SPEF2: variants seen among roughly 807,000 people sequenced by gnomAD.
SPEF2 encodes the protein sperm flagellar and cilia associated 2, also known as sperm flagella and cilia-associated protein 2.
Under a neutral mutation model 224.6 loss-of-function variants are expected in SPEF2, and 187 were observed. The ratio of observed to expected loss-of-function variants is 0.83; its 90% CI spans 0.74 to 0.94. The LOEUF (loss-of-function observed/expected upper bound fraction) is 0.94. SPEF2 is among the 40% of genes least tolerant of loss of function. The pLI, the probability that SPEF2 is intolerant of heterozygous loss-of-function variation, is 0.00. For synonymous variants in SPEF2, 715 were observed against 707.3 expected (o/e 1.01, Z -0.17); for missense variants, 2,170 against 2,135.6 (o/e 1.02, Z -0.32).
rs2149470936 is a variant in SPEF2, at chr5:35,666,944, G to C, written c.1168-128G>C. 1.7e-5 allele frequency: 13 copies of C among 777,072 alleles called. 1 individual carries two copies. The South Asian group carries it at 2.6e-4, about 15-fold the overall frequency. 48.1% of individuals were successfully genotyped at this position (777,072 alleles called of 1,614,324 possible). A position where few individuals can be genotyped will look rare whatever the true frequency, so the allele number is the denominator to read the frequency against. On this transcript the variant is annotated intron_variant, in intron 8 of 36. Transcript: ENST00000356031. Reference sequence around the variant, plus strand: ...TATTAAGAAAAAAGTGTTCATTCATGATTAATTTTTTTCCTGGTGTGAGAA... The same window carrying C: ...TATTAAGAAAAAAGTGTTCATTCATCATTAATTTTTTTCCTGGTGTGAGAA...
chr5:35,714,536 A>T (rs940309928), intron 20 of SPEF2, among the ~76,000 whole-genome samples: 1 of 151,580 alleles, frequency 6.6e-6, no homozygotes, highest in Non-Finnish European at 1.5e-5. Flanking sequence ...TTTTTATTGA[A>T]AATTCTTTTG....
intron 7 of SPEF2, 81 bp from the exon 8 acceptor site, chr5:35,658,938 T>A: frequency 9.3e-7 from 1 of 1,070,192 alleles, no homozygotes; most frequent in Admixed American, 3.0e-5. Context: ...ATGCCTTTTG[T>A]ATATTGTTTC....
rs1188949532 is a variant in SPEF2, at chr5:35,715,699, C to T, written c.2914+2813C>T. ...GGACCTAGATCTCCATGTCTGCCTT[C>T]TAATTCCTCTCCTGATTTTGAACTT... is the stretch of plus-strand genomic sequence containing the variant. On this transcript the variant is annotated intron_variant, in intron 20 of 36. Transcript: ENST00000356031. Among the ~76,000 whole-genome samples the T allele has an allele frequency of 2.6e-5, 4 of 152,022 alleles. No individual in the cohort carries two copies. The South Asian group carries it at 6.2e-4, about 24-fold the overall frequency.
intron 20 of SPEF2, among the ~76,000 whole-genome samples, chr5:35,715,073 G>C (rs920547717): frequency 6.6e-6 from 1 of 151,674 alleles, no homozygotes; most frequent in Non-Finnish European, 1.5e-5. Flanking sequence ...ATGCCACCAC[G>C]CCTGGCTAAT....
intron 28 of SPEF2, among the ~76,000 whole-genome samples, chr5:35,775,538 G>A (rs1345788455): frequency 6.6e-6 from 1 of 152,098 alleles, no homozygotes; most frequent in East Asian, 1.9e-4. Flanking sequence ...GGTTATCTAG[G>A]CACTGCCAAG....
intron 1 of SPEF2, among the ~76,000 whole-genome samples, chr5:35,620,751 A>T (rs1275710683): frequency 6.6e-6 from 1 of 152,196 alleles, no homozygotes; most frequent in Non-Finnish European, 1.5e-5. Flanking sequence ...ATATTTATGT[A>T]TTTTTGTCAA....
Position 35,814,597 on chromosome 5 carries a change from A to G in SPEF2, c.*44A>G. 7.6e-7 allele frequency: 1 copy of G among 1,321,730 alleles called. No homozygotes were observed. Among genetic ancestry groups the G allele is most frequent in the East Asian group, 2.4e-5 (1 of 42,238 alleles). The allele number at this position is 1,321,730 out of a possible 1,614,324, so 81.9% of individuals were successfully genotyped here. A position where few individuals can be genotyped will look rare whatever the true frequency, so the allele number is the denominator to read the frequency against. ...TTTTTAATTCTGCAATAAATCTTCC[A>G]AAAATTAAATGTGACCATGGTGTTT... On this transcript the variant is annotated 3_prime_UTR_variant, in exon 37 of 37. Transcript: ENST00000356031.
At chr5:35,693,630 T>C (rs1473935596) in intron 12 of SPEF2, among the ~76,000 whole-genome samples, 1 of 152,158 alleles carries the variant, frequency 6.6e-6, no homozygotes, top group African/African-American at 2.4e-5. Flanking sequence ...ATTGGTTTGC[T>C]TGGAGTCAGA....
intron 34 of SPEF2, among the ~76,000 whole-genome samples, chr5:35,800,615 A>T (rs1757289077): frequency 6.6e-6 from 1 of 152,226 alleles, no homozygotes; most frequent in Admixed American, 6.5e-5. Context: ...CCAAGGACAA[A>T]GAAGCTTAAT....
chr5:35,726,153 A>AT (rs1744616669), intron 20 of SPEF2, among the ~76,000 whole-genome samples: 1 of 152,198 alleles, frequency 6.6e-6, no homozygotes, highest in South Asian at 2.1e-4. Context: ...CAGTATTTTC[A>AT]TTGTTAAAAG....
In SPEF2 at chr5:35,617,863, C is replaced by A; in HGVS notation, c.-135C>A. On this transcript the variant is annotated 5_prime_UTR_variant, in exon 1 of 37. Coordinates refer to ENST00000356031, the MANE Select transcript of SPEF2 (RefSeq NM_024867.4). ...CCTAGCGTCCCCTCTTCTCTAAGGC[C>A]TTTCGCCTAGTTCCAGCCTGGATAC... 1.2e-6 allele frequency: 1 copy of A among 844,848 alleles called. No homozygotes were observed. Among genetic ancestry groups the A allele is most frequent in the South Asian group, 1.5e-5 (1 of 65,206 alleles). 52.3% of individuals were successfully genotyped at this position (844,848 alleles called of 1,614,324 possible).
intron 6 of SPEF2, among the ~76,000 whole-genome samples, chr5:35,650,056 A>G (rs542285733): frequency 7.9e-5 from 12 of 152,340 alleles, no homozygotes; most frequent in African/African-American, 1.7e-4. Context: ...TCCAAACTCT[A>G]TGCATTTACA....
chr5:35,712,287 G>A (rs998177571), intron 19 of SPEF2, among the ~76,000 whole-genome samples: 1 of 151,374 alleles, frequency 6.6e-6, no homozygotes, highest in Non-Finnish European at 1.5e-5. Flanking sequence ...TAGAGACAGG[G>A]TCTCACTATG....
At chr5:35,681,505 G>A (rs191128962) in intron 10 of SPEF2, among the ~76,000 whole-genome samples, 1 of 152,238 alleles carries the variant, frequency 6.6e-6, no homozygotes, top group East Asian at 1.9e-4. Context: ...TTAGAACTGA[G>A]AGTTCCTGGT....
chr5:35,799,409 A>G (rs1757120732), intron 33 of SPEF2, among the ~76,000 whole-genome samples: 1 of 152,152 alleles, frequency 6.6e-6, no homozygotes, highest in Non-Finnish European at 1.5e-5. Flanking sequence ...AAAATTGCTG[A>G]TTTGATATTT....
chr5:35,743,524 G>A (rs1439268539), intron 23 of SPEF2, among the ~76,000 whole-genome samples: 2 of 152,076 alleles, frequency 1.3e-5, no homozygotes, highest in African/African-American at 4.8e-5. Flanking sequence ...TGGATCTTCA[G>A]CAACAGTATA....
At chr5:35,676,233 C>T (rs922656040) in intron 10 of SPEF2, among the ~76,000 whole-genome samples, 1 of 152,064 alleles carries the variant, frequency 6.6e-6, no homozygotes, top group Non-Finnish European at 1.5e-5. Flanking sequence ...CAGCCCTCTT[C>T]CAAGCTCCCT....
chr5:35,628,147 T>G (rs1237530819), intron 1 of SPEF2, among the ~76,000 whole-genome samples: 1 of 152,166 alleles, frequency 6.6e-6, no homozygotes. Flanking sequence ...TTAAGGCTAG[T>G]TTTTAGATCT....
intron 23 of SPEF2, among the ~76,000 whole-genome samples, chr5:35,747,502 C>T (rs1056565534): frequency 9.2e-5 from 14 of 152,224 alleles, no homozygotes; most frequent in African/African-American, 3.1e-4. Context: ...GCATTTCATG[C>T]AAATGGACAC....
Sources: gnomAD v4.1 joint callset for allele counts (sites outside exome capture counted in the v4.1 genomes callset) on GRCh38, gnomAD v4.1.1 for gene constraint, MANE v1.5 for transcripts, NCBI Gene and HGNC (gene_info 2026-07-23, HGNC 2026-07-21) for gene names.